The following IL15 variants were observed in gnomAD, a reference collection of about 807,000 sequenced individuals.
IL15 encodes interleukin 15, also known as interleukin-15.
Under a neutral mutation model 19.6 loss-of-function variants are expected in IL15, and 11 were observed. The ratio of observed to expected loss-of-function variants is 0.56; its 90% CI spans 0.35 to 0.93. The LOEUF is 0.93. Ranked by LOEUF, IL15 falls within the 40% of genes least tolerant of loss-of-function variation. The pLI is 0.01. For synonymous variants in IL15, 58 were observed against 59.6 expected, an observed-to-expected ratio of 0.97 and a Z score of 0.12; for missense variants, 197 against 186.5, an observed-to-expected ratio of 1.06 and a Z score of -0.33.
At chr4:141,640,895 T>G (rs1350140795) in intron 1 of IL15, among the ~76,000 whole-genome samples, 1 of 152,160 alleles carries the variant, frequency 6.6e-6, no homozygotes, top group East Asian at 1.9e-4. Context: ...ATGAGGGAAT[T>G]GAAACTGAAA....
chr4:141,698,851 AT>A (rs1485995591), intron 2 of IL15, among the ~76,000 whole-genome samples: 1 of 148,180 alleles, frequency 6.7e-6, no homozygotes, highest in African/African-American at 2.5e-5. Flanking sequence ...GATCTTTGTT[AT>A]TTTTTTTCTT....
chr4:141,693,016 C>CAAAAAAAAAAAAAAAAAAAAAA (rs70949131), intron 2 of IL15, among the ~76,000 whole-genome samples: 247 of 23,240 alleles, frequency 0.011, 72 homozygotes, highest in East Asian at 0.022. Flanking sequence ...GACTCCGTCT[C>CAAAAAAAAAAAAAAAAAAAAAA]AAAAAAAAAA....
chr4:141,664,449 A>C (rs1313329830), intron 2 of IL15, among the ~76,000 whole-genome samples: 1 of 152,046 alleles, frequency 6.6e-6, no homozygotes, highest in African/African-American at 2.4e-5. Flanking sequence ...ACTGGGAAAA[A>C]TATTTACTTC....
At chr4:141,705,304 A>T (rs1560929174) in intron 2 of IL15, among the ~76,000 whole-genome samples, 2 of 151,324 alleles carry the variant, frequency 1.3e-5, no homozygotes, top group Middle Eastern at 3.4e-3. Flanking sequence ...TCTGAGGGAA[A>T]TTTTTTTTCA....
At position 141,719,374 on chromosome 4, in the gene IL15, G is replaced by A; in HGVS notation, c.-91G>A. 1 of 704,780 alleles carries A rather than the reference G, an allele frequency of 1.4e-6. No homozygotes were observed. Among genetic ancestry groups the A allele is most frequent in the Non-Finnish European group, 2.6e-6 (1 of 386,650 alleles). 43.7% of individuals were successfully genotyped at this position (704,780 alleles called of 1,614,324 possible). On this transcript the variant is annotated 5_prime_UTR_variant, in exon 3 of 8. Transcript: ENST00000320650. ...ATCATACTTTACCCTAGATTGTATT[G>A]TAGGAGGCATTGTGGATGGATGGCT...
chr4:141,704,949 TTA>T (rs1729457132), intron 2 of IL15, among the ~76,000 whole-genome samples: 1 of 151,910 alleles, frequency 6.6e-6, no homozygotes, highest in Admixed American at 6.6e-5. Context: ...ATCTCTTATT[TTA>T]TTTATTTGAA....
intron 2 of IL15, among the ~76,000 whole-genome samples, chr4:141,708,012 A>T (rs759766248): frequency 2.0e-5 from 3 of 152,146 alleles, no homozygotes; most frequent in Non-Finnish European, 4.4e-5. Flanking sequence ...GTCGGGCTGC[A>T]TGTGAATGTT....
chr4:141,644,041 T>C (rs1727140569), intron 1 of IL15, among the ~76,000 whole-genome samples: 1 of 151,990 alleles, frequency 6.6e-6, no homozygotes, highest in Non-Finnish European at 1.5e-5. Context: ...TTATGTCATA[T>C]TCCACGTTGA....
At chr4:141,648,190 C>T (rs1727292058) in intron 1 of IL15, among the ~76,000 whole-genome samples, 1 of 152,002 alleles carries the variant, frequency 6.6e-6, no homozygotes, top group Admixed American at 6.6e-5. Flanking sequence ...TTCCTATTAT[C>T]AGGGTCAGGA....
chr4:141,673,552 T>G (rs1728243586), intron 2 of IL15, among the ~76,000 whole-genome samples: 2 of 152,186 alleles, frequency 1.3e-5, no homozygotes, highest in Non-Finnish European at 2.9e-5. Context: ...TTTTACCCTC[T>G]GAAACAATAA....
At chr4:141,712,770 C>T (rs1729753402) in intron 2 of IL15, among the ~76,000 whole-genome samples, 1 of 151,176 alleles carries the variant, frequency 6.6e-6, no homozygotes, top group South Asian at 2.1e-4. Flanking sequence ...ACCTCTGTCC[C>T]TGGCAGCTCA....
intron 2 of IL15, chr4:141,718,647 A>G (rs775365518): frequency 1.3e-5 from 2 of 152,172 alleles, no homozygotes; most frequent in Non-Finnish European, 2.9e-5. Context: ...ATATTTCAGA[A>G]ACATCTGAAA....
rs1055540996 is a variant in IL15, at chr4:141,654,299, G to A, written c.-221-1887G>A. Among the ~76,000 whole-genome samples, 6 of 152,194 alleles carry A rather than the reference G, an allele frequency of 3.9e-5. No homozygotes were observed. The East Asian group carries it at 1.2e-3, about 29-fold the overall frequency. On this transcript the variant is annotated intron_variant, in intron 1 of 7. Transcript: ENST00000320650. ...GGCCAGATTCCTGGAAGGGAAGCAG[G>A]CCAGATTCCTGGAAGGGAGAGCTTT...
intron 2 of IL15, among the ~76,000 whole-genome samples, chr4:141,656,622 G>C (rs896539262): frequency 2.0e-5 from 3 of 152,148 alleles, no homozygotes; most frequent in African/African-American, 7.2e-5. Context: ...TAATCGTGTA[G>C]GTGTATGGCT....
At chr4:141,709,602 G>T (rs910246314) in intron 2 of IL15, among the ~76,000 whole-genome samples, 1 of 152,056 alleles carries the variant, frequency 6.6e-6, no homozygotes, top group African/African-American at 2.4e-5. Context: ...GCATATCAAT[G>T]CTAGCCTTAC....
intron 1 of IL15, among the ~76,000 whole-genome samples, chr4:141,641,676 C>T (rs1270105068): frequency 7.6e-6 from 1 of 132,284 alleles, no homozygotes; most frequent in Non-Finnish European, 1.5e-5. Flanking sequence ...GAACATCACA[C>T]ACCGGGGCCT....
At chr4:141,685,784 T>C (rs549002549) in intron 2 of IL15, among the ~76,000 whole-genome samples, 72 of 152,368 alleles carry the variant, frequency 4.7e-4, no homozygotes, top group African/African-American at 1.7e-3. Context: ...CAGATGTTTA[T>C]ATACCATTAA....
chr4:141,691,588 C>G (rs1444339602), intron 2 of IL15, among the ~76,000 whole-genome samples: 1 of 152,104 alleles, frequency 6.6e-6, no homozygotes, highest in Non-Finnish European at 1.5e-5. Context: ...AGAATTTGGA[C>G]AAAACGAAGG....
chr4:141,656,020 A>T (rs572232105), intron 1 of IL15, among the ~76,000 whole-genome samples, 166 bp from the exon 2 acceptor site: 4 of 152,356 alleles, frequency 2.6e-5, no homozygotes, highest in African/African-American at 9.6e-5. Context: ...ATTGTAGAAA[A>T]GATTTCCCCA....
Sources: allele counts gnomAD v4.1 joint callset (sites outside exome capture counted in the v4.1 genomes callset), GRCh38; gene constraint gnomAD v4.1.1; transcripts MANE v1.5; gene names NCBI Gene and HGNC (gene_info 2026-07-23, HGNC 2026-07-21).